Variants in MAGI2 observed in about 807,000 individuals in gnomAD.
MAGI2 encodes the protein membrane-associated guanylate kinase, WW and PDZ domain-containing protein 2.
Under a neutral mutation model 133.3 loss-of-function variants are expected in MAGI2, and 35 were observed. That is an observed-to-expected ratio of 0.26 (90% CI 0.20 to 0.35). The LOEUF (loss-of-function observed/expected upper bound fraction) is 0.35. MAGI2 is among the 10% of genes least tolerant of loss of function. The probability of loss-of-function intolerance (pLI) is 1.00; values close to 1 mark genes in which losing one functional copy is unlikely to be tolerated. For missense variants in MAGI2, 1,636 were observed against 1,863.4 expected (o/e 0.88, Z 2.25); for synonymous variants, 729 against 710.6 (o/e 1.03, Z -0.41).
chr7:78,134,913 G>A (rs1170896317), intron 17 of MAGI2, 108 bp downstream of exon 17: 1 of 906,940 alleles, frequency 1.1e-6, no homozygotes, highest in Non-Finnish European at 1.7e-6. Context: ...TGACACCACA[G>A]TGACGGCAGG....
chr7:78,506,551 A>C (rs1377254453), intron 4 of MAGI2, among the ~76,000 whole-genome samples: 1 of 152,178 alleles, frequency 6.6e-6, no homozygotes, highest in Non-Finnish European at 1.5e-5. Flanking sequence ...GTAAAAGAGA[A>C]GAGGAAAGGG....
At chr7:78,531,538 G>T (rs925826989) in intron 3 of MAGI2, among the ~76,000 whole-genome samples, 2 of 152,080 alleles carry the variant, frequency 1.3e-5, no homozygotes, top group Non-Finnish European at 2.9e-5. Context: ...AGTGTCTAGT[G>T]AGCTCAATGC....
chr7:78,383,468 T>C (rs1011885692), intron 6 of MAGI2, among the ~76,000 whole-genome samples: 1 of 152,104 alleles, frequency 6.6e-6, no homozygotes, highest in African/African-American at 2.4e-5. Flanking sequence ...TAGTTGTTTT[T>C]TCCTGTTTGA....
intron 21 of MAGI2, among the ~76,000 whole-genome samples, chr7:78,073,131 C>T (rs965100663): frequency 1.3e-5 from 2 of 152,110 alleles, no homozygotes; most frequent in Admixed American, 1.3e-4. Flanking sequence ...CATTTCTTTA[C>T]CTATAGTCAC....
intron 2 of MAGI2, among the ~76,000 whole-genome samples, chr7:78,679,440 G>C (rs577073356): frequency 6.6e-6 from 1 of 152,260 alleles, no homozygotes; most frequent in Admixed American, 6.5e-5. Flanking sequence ...TTAGGTAAAT[G>C]AATCAGTGAT....
chr7:78,525,270 C>G (rs912656237), intron 3 of MAGI2, among the ~76,000 whole-genome samples: 4 of 152,110 alleles, frequency 2.6e-5, no homozygotes, highest in African/African-American at 9.7e-5. Context: ...CATACTCTTA[C>G]TACACTTGAC....
chr7:78,956,125 G>A (rs929174822), intron 2 of MAGI2, among the ~76,000 whole-genome samples: 2 of 152,020 alleles, frequency 1.3e-5, no homozygotes, highest in African/African-American at 4.8e-5. Context: ...AGTGCAAGAG[G>A]GGCACCAACC....
At chr7:78,268,533 T>C (rs778617767) in intron 9 of MAGI2, among the ~76,000 whole-genome samples, 2 of 152,146 alleles carry the variant, frequency 1.3e-5, no homozygotes, top group Admixed American at 6.6e-5. Flanking sequence ...GAAGAGGCAA[T>C]TGTGGCTTAG....
rs1290081436 is a variant in MAGI2 at position 78,019,491 on chromosome 7, C to T, written c.4192G>A (p.Gly1398Ser). The T allele has an allele frequency of 1.1e-5, 11 of 980,208 alleles. No homozygotes were observed. The highest frequency in any genetic ancestry group is 1.3e-5 in the Non-Finnish European group (11 of 828,144). The allele number at this position is 980,208 out of a possible 1,614,324, so 60.7% of individuals were successfully genotyped here. A position where few individuals can be genotyped will look rare whatever the true frequency, so the allele number is the denominator to read the frequency against. ...GCCCTGCCCTCGGCCTCCAGCGCGC[C>T]GCTGCCGCCGCCGCCCGGGCCGGCA... ...AFAGPGGGGS[G>S]ALEAEGRAGA... The change falls in exon 22 of 22, where the codon GGC becomes AGC. Residue 1398 changes from glycine (G) to serine (S), a missense_variant. Transcript: ENST00000354212.
chr7:79,120,860 C>A (rs1819833300), intron 1 of MAGI2, among the ~76,000 whole-genome samples: 1 of 152,048 alleles, frequency 6.6e-6, no homozygotes. Flanking sequence ...TACTTCTCTC[C>A]CATTTATATA....
chr7:78,783,948 C>T (rs1347555173), intron 2 of MAGI2, among the ~76,000 whole-genome samples: 1 of 152,106 alleles, frequency 6.6e-6, no homozygotes, highest in African/African-American at 2.4e-5. Flanking sequence ...TACGGAAACA[C>T]CCGTTTTCTT....
intron 3 of MAGI2, among the ~76,000 whole-genome samples, chr7:78,570,282 G>A (rs1389768831): frequency 6.6e-6 from 1 of 152,172 alleles, no homozygotes; most frequent in East Asian, 1.9e-4. Context: ...TCTGGACTCT[G>A]CTACCTCTAA....
At chr7:79,135,600 C>G (rs1821317819) in intron 1 of MAGI2, among the ~76,000 whole-genome samples, 1 of 152,132 alleles carries the variant, frequency 6.6e-6, no homozygotes, top group African/African-American at 2.4e-5. Flanking sequence ...CCCTTGACAT[C>G]TTCCTTTTCT....
At chr7:78,755,809 A>G (rs145754788) in intron 2 of MAGI2, among the ~76,000 whole-genome samples, 56 of 152,318 alleles carry the variant, frequency 3.7e-4, no homozygotes, top group Middle Eastern at 3.4e-3. Flanking sequence ...CCCCTATAGA[A>G]CACCCCAGCT....
intron 1 of MAGI2, among the ~76,000 whole-genome samples, chr7:79,148,442 A>C: frequency 6.6e-6 from 1 of 152,190 alleles, no homozygotes; most frequent in African/African-American, 2.4e-5. Flanking sequence ...GGGTGAAATT[A>C]CGGTGGTCTC....
chr7:79,073,692 C>T (rs1316114862), intron 1 of MAGI2, among the ~76,000 whole-genome samples: 1 of 151,862 alleles, frequency 6.6e-6, no homozygotes, highest in Non-Finnish European at 1.5e-5. Flanking sequence ...TAAAATCTTT[C>T]CCATGTTCTC....
chr7:79,446,654 AAG>A (rs1265551701), intron 1 of MAGI2, among the ~76,000 whole-genome samples: 2 of 152,304 alleles, frequency 1.3e-5, no homozygotes, highest in East Asian at 3.9e-4. Context: ...GGATCTTTGA[AAG>A]TATATCAATG....
intron 6 of MAGI2, chr7:78,457,067 C>T (rs1239409034): frequency 1.3e-5 from 2 of 152,180 alleles, no homozygotes; most frequent in Non-Finnish European, 2.9e-5. Context: ...GCTCTTAGGA[C>T]CCCTGTGAAC....
At chr7:79,437,345 A>G (rs984697885) in intron 1 of MAGI2, among the ~76,000 whole-genome samples, 1 of 152,130 alleles carries the variant, frequency 6.6e-6, no homozygotes, top group African/African-American at 2.4e-5. Context: ...ATAAAATTTG[A>G]AATTTTTTAA....
Sources: gnomAD v4.1 joint callset for allele counts (sites outside exome capture counted in the v4.1 genomes callset) on GRCh38, gnomAD v4.1.1 for gene constraint, MANE v1.5 for transcripts, NCBI Gene and HGNC (gene_info 2026-07-23, HGNC 2026-07-21) for gene names.